Variants in PSD3 observed in about 807,000 individuals in gnomAD.
PSD3 encodes pleckstrin and Sec7 domain containing 3, also known as PH and SEC7 domain-containing protein 3.
In PSD3, 49 loss-of-function variants were observed where a neutral mutation model predicts 105.5. That is an observed-to-expected ratio of 0.46 (90% confidence interval 0.37 to 0.59). The LOEUF is 0.59. Among genes scored for constraint, PSD3 ranks in the 20% least tolerant of loss-of-function variants. PSD3 has a pLI of 0.00. For synonymous variants in PSD3, 557 were observed against 457.8 expected (o/e 1.22, Z -2.77); for missense variants, 1,561 against 1,263.8 (o/e 1.24, Z -3.57).
At chr8:18,750,574 G>C (rs1333330972) in intron 9 of PSD3, among the ~76,000 whole-genome samples, 1 of 152,064 alleles carries the variant, frequency 6.6e-6, no homozygotes, top group African/African-American at 2.4e-5. Flanking sequence ...CAGTGTGGAA[G>C]GGGACCCGAG....
intron 1 of PSD3, among the ~76,000 whole-genome samples, chr8:18,981,017 T>G (rs1825222839): frequency 6.6e-6 from 1 of 152,138 alleles, no homozygotes; most frequent in Non-Finnish European, 1.5e-5. Flanking sequence ...AGGTCCTAGT[T>G]TCAGAGTTAT....
chr8:18,857,471 G>C (rs953047819), intron 4 of PSD3, among the ~76,000 whole-genome samples: 4 of 152,136 alleles, frequency 2.6e-5, no homozygotes, highest in African/African-American at 9.7e-5. Context: ...CAGAATCACC[G>C]GGGAAGCTTT....
chr8:18,945,128 A>T (rs1822780803), intron 1 of PSD3, among the ~76,000 whole-genome samples: 1 of 152,104 alleles, frequency 6.6e-6, no homozygotes, highest in Admixed American at 6.6e-5. Flanking sequence ...AGACTAAATA[A>T]AGGTCCTCCC....
At chr8:18,701,041 A>C (rs1779006679) in intron 9 of PSD3, among the ~76,000 whole-genome samples, 1 of 152,006 alleles carries the variant, frequency 6.6e-6, no homozygotes, top group Non-Finnish European at 1.5e-5. Flanking sequence ...ATCATGGCTC[A>C]CTGTAGCCTC....
In PSD3 at chr8:18,551,879, C is replaced by T. The variant is rs2130093957; in HGVS notation, c.2928+4330G>A. On this transcript the variant is annotated intron_variant, in intron 15 of 15. Transcript: ENST00000327040. ...TCAAAGATCTAACTAATACTTAATA[C>T]ATATAAAACTGGCTGCAGCCTCTAG... 1.3e-5 allele frequency among the ~76,000 whole-genome samples: 2 copies of T among 152,204 alleles called. 1 individual carries two copies. The highest frequency in any genetic ancestry group is 6.8e-3 in the Middle Eastern group (2 of 294).
chr8:19,027,899 A>G (rs1827614796), intron 1 of PSD3, among the ~76,000 whole-genome samples: 1 of 152,184 alleles, frequency 6.6e-6, no homozygotes, highest in Admixed American at 6.5e-5. Context: ...TGCTATGAAC[A>G]TCTATGTTTA....
intron 1 of PSD3, among the ~76,000 whole-genome samples, chr8:19,055,851 G>A (rs1828693151): frequency 6.6e-6 from 1 of 152,188 alleles, no homozygotes; most frequent in African/African-American, 2.4e-5. Context: ...TTGGAAAGCT[G>A]TTCACCAAAG....
intron 9 of PSD3, among the ~76,000 whole-genome samples, chr8:18,719,711 G>A (rs1190189509): frequency 2.6e-5 from 4 of 152,150 alleles, no homozygotes; most frequent in African/African-American, 9.7e-5. Context: ...CCAACTTTGA[G>A]AAAGCCTGAC....
At chr8:18,854,101 C>A (rs1002573301) in intron 4 of PSD3, 1 of 152,210 alleles carries the variant, frequency 6.6e-6, no homozygotes, top group Non-Finnish European at 1.5e-5. Context: ...CAGTTACCTT[C>A]GTCAGCAAAC....
At chr8:18,563,980 T>A (rs1329348314) in intron 14 of PSD3, among the ~76,000 whole-genome samples, 1 of 152,096 alleles carries the variant, frequency 6.6e-6, no homozygotes. Context: ...AGTTTTAAAA[T>A]CAGTATTGAG....
At chr8:18,570,522 G>A (rs919809686) in intron 14 of PSD3, among the ~76,000 whole-genome samples, 1 of 149,024 alleles carries the variant, frequency 6.7e-6, no homozygotes, top group Non-Finnish European at 1.5e-5. Flanking sequence ...TACCATCAGA[G>A]TGAACAGGCA....
chr8:18,917,358 A>G (rs1820691111), intron 2 of PSD3, among the ~76,000 whole-genome samples: 1 of 152,062 alleles, frequency 6.6e-6, no homozygotes. Flanking sequence ...TAAATACTGT[A>G]TTTTCAGCCT....
chr8:18,824,344 T>C (rs920850438), intron 4 of PSD3, among the ~76,000 whole-genome samples: 5 of 152,146 alleles, frequency 3.3e-5, no homozygotes, highest in African/African-American at 4.8e-5. Flanking sequence ...GAAGGCAACA[T>C]GGTGAAGAGA....
chr8:18,771,434 C>G (rs1009031022), intron 8 of PSD3, among the ~76,000 whole-genome samples: 1 of 152,172 alleles, frequency 6.6e-6, no homozygotes, highest in African/African-American at 2.4e-5. Context: ...ATTGCCTAAT[C>G]CAACATCACA....
At chr8:18,857,250 G>C (rs990230813) in intron 4 of PSD3, among the ~76,000 whole-genome samples, 1 of 152,204 alleles carries the variant, frequency 6.6e-6, no homozygotes, top group African/African-American at 2.4e-5. Flanking sequence ...GCAACTTGCA[G>C]TAAACGCCTC....
chr8:18,945,495 G>T (rs747257415), intron 1 of PSD3, among the ~76,000 whole-genome samples: 1 of 152,118 alleles, frequency 6.6e-6, no homozygotes, highest in Non-Finnish European at 1.5e-5. Flanking sequence ...CTTGATTTTA[G>T]CCCCTAAGAC....
At chr8:18,703,401 C>T (rs934439941) in intron 9 of PSD3, among the ~76,000 whole-genome samples, 3 of 152,108 alleles carry the variant, frequency 2.0e-5, no homozygotes, top group South Asian at 2.1e-4. Flanking sequence ...ACTTTTAAGA[C>T]GTCGAAATTG....
intron 8 of PSD3, among the ~76,000 whole-genome samples, chr8:18,769,179 A>C (rs971545961): frequency 2.6e-5 from 4 of 152,230 alleles, no homozygotes; most frequent in African/African-American, 9.6e-5. Flanking sequence ...GGAGATGAAT[A>C]AATAATGACT....
At chr8:18,828,272 C>T (rs931426034) in intron 4 of PSD3, among the ~76,000 whole-genome samples, 8 of 151,524 alleles carry the variant, frequency 5.3e-5, no homozygotes, top group Non-Finnish European at 1.0e-4. Flanking sequence ...TAGAAAGCAG[C>T]CAAAAATCCA....
Sources: gnomAD v4.1 joint callset for allele counts (sites outside exome capture counted in the v4.1 genomes callset) on GRCh38, gnomAD v4.1.1 for gene constraint, MANE v1.5 for transcripts, NCBI Gene and HGNC (gene_info 2026-07-23, HGNC 2026-07-21) for gene names.